TRAPPC9: variants seen among roughly 807,000 people sequenced by gnomAD.
TRAPPC9 encodes the protein trafficking protein particle complex subunit 9.
In TRAPPC9, 83 loss-of-function variants were observed where a neutral mutation model predicts 124.0. The observed-to-expected ratio is 0.67, with a 90% CI of 0.56 to 0.80. The LOEUF is 0.80. TRAPPC9 is among the 30% of genes least tolerant of loss of function. The pLI, the probability that TRAPPC9 is intolerant of heterozygous loss-of-function variation, is 0.00. For missense variants in TRAPPC9, 1,302 were observed against 1,508.3 expected, an observed-to-expected ratio of 0.86 and a Z score of 2.27; for synonymous variants, 638 against 617.5, an observed-to-expected ratio of 1.03 and a Z score of -0.49.
chr8:139,820,526 C>A (rs1825183132), intron 21 of TRAPPC9, among the ~76,000 whole-genome samples: 1 of 152,202 alleles, frequency 6.6e-6, no homozygotes, highest in Non-Finnish European at 1.5e-5. Flanking sequence ...TCCACATATA[C>A]ACATTTTTAT....
intron 17 of TRAPPC9, among the ~76,000 whole-genome samples, chr8:140,092,809 T>G (rs1844661897): frequency 1.3e-5 from 2 of 152,234 alleles, no homozygotes; most frequent in Non-Finnish European, 2.9e-5. Context: ...GTATTTGTTT[T>G]AAACATACAG....
intron 17 of TRAPPC9, among the ~76,000 whole-genome samples, chr8:140,118,948 C>T (rs931130310): frequency 3.3e-5 from 5 of 152,184 alleles, no homozygotes; most frequent in Non-Finnish European, 5.9e-5. Flanking sequence ...TAGGACAGTC[C>T]CTCTTTGGCT....
chr8:139,753,459 A>T (rs1819500793), intron 21 of TRAPPC9, among the ~76,000 whole-genome samples: 1 of 151,900 alleles, frequency 6.6e-6, no homozygotes, highest in Non-Finnish European at 1.5e-5. Flanking sequence ...TTCACTTCCC[A>T]TCAGATTTCC....
At chr8:140,293,060 C>G (rs111424062) in intron 11 of TRAPPC9, among the ~76,000 whole-genome samples, 3,412 of 131,950 alleles carry the variant, frequency 0.026, 105 homozygotes, top group African/African-American at 0.047. Flanking sequence ...GCAAAGGAAT[C>G]AACAGACACT....
intron 21 of TRAPPC9, among the ~76,000 whole-genome samples, chr8:139,863,254 TC>T (rs1828291563): frequency 6.6e-6 from 1 of 152,100 alleles, no homozygotes; most frequent in Non-Finnish European, 1.5e-5. Flanking sequence ...GGTCCCTGTC[TC>T]CCCAGGACTC....
chr8:139,910,252 G>A lies in TRAPPC9; in HGVS notation c.2859C>T (p.Ser953=). ...TTGCAAATTGCCCCTTCTCCCCAGGGGACTCCGGGAAACTCTCAAAGTTGA... is the reference window on the plus strand; with the variant it reads ...TTGCAAATTGCCCCTTCTCCCCAGGAGACTCCGGGAAACTCTCAAAGTTGA... The part of the protein sequence containing the change: ...DKFNFESFPE[S]PGEKGQFANP... Residue 953 remains serine (S), a synonymous_variant, in exon 20 of 23, where the codon TCC becomes TCT. Transcript: ENST00000438773. 4 of 1,614,154 alleles carry A rather than the reference G, an allele frequency of 2.5e-6. No homozygotes were observed. The highest frequency in any genetic ancestry group is 3.4e-6 in the Non-Finnish European group (4 of 1,180,028).
intron 17 of TRAPPC9, among the ~76,000 whole-genome samples, chr8:140,201,791 G>C (rs1587913010): frequency 6.6e-6 from 1 of 152,154 alleles, no homozygotes; most frequent in African/African-American, 2.4e-5. Flanking sequence ...ATGGGAAAAG[G>C]GGAGCAGCCA....
chr8:140,448,206 C>T (rs1211238804), intron 2 of TRAPPC9, among the ~76,000 whole-genome samples: 2 of 151,560 alleles, frequency 1.3e-5, no homozygotes, highest in Non-Finnish European at 2.9e-5. Flanking sequence ...CAACAGGTTA[C>T]CCATTATGAG....
At chr8:139,748,783 G>A (rs557905522) in intron 21 of TRAPPC9, among the ~76,000 whole-genome samples, 7 of 152,194 alleles carry the variant, frequency 4.6e-5, no homozygotes, top group South Asian at 2.1e-4. Context: ...ACCTAGAAGG[G>A]CATTTACCTT....
intron 21 of TRAPPC9, among the ~76,000 whole-genome samples, chr8:139,830,340 A>G (rs576956243): frequency 2.8e-4 from 42 of 152,082 alleles, no homozygotes; most frequent in Middle Eastern, 3.4e-3. Context: ...AAGTGAATAT[A>G]CACACGCAAT....
At chr8:140,074,120 A>C (rs972862472) in intron 17 of TRAPPC9, among the ~76,000 whole-genome samples, 1 of 152,180 alleles carries the variant, frequency 6.6e-6, no homozygotes, top group Non-Finnish European at 1.5e-5. Context: ...AAAATTCCAA[A>C]GGCATCGTGG....
chr8:139,862,832 G>A (rs908475404), intron 21 of TRAPPC9, among the ~76,000 whole-genome samples: 6 of 152,218 alleles, frequency 3.9e-5, no homozygotes, highest in African/African-American at 1.4e-4. Flanking sequence ...CCAGGGCACT[G>A]CATTCCCCCT....
At position 140,434,234 on chromosome 8, in the gene TRAPPC9, C is replaced by G. The variant is rs114477631; in HGVS notation, c.859+878G>C. Among the ~76,000 whole-genome samples the G allele has an allele frequency of 9.1e-3, 1,379 of 152,294 alleles. 28 individuals are homozygous for G. The highest frequency in any genetic ancestry group is 0.032 in the African/African-American group (1,324 of 41,554). ...TACTTTCGTTTTCAATAAATCCCTG[C>G]TTTCATTATTTTGTTGCTTCCTTCT... On this transcript the variant is annotated intron_variant, in intron 4 of 22. Coordinates refer to ENST00000438773, the MANE Select transcript of TRAPPC9 (RefSeq NM_001160372.4).
chr8:140,079,978 G>T lies in TRAPPC9; in HGVS notation c.2557-55899C>A, dbSNP rs546054620. Among the ~76,000 whole-genome samples, 14 of 152,184 alleles carry T rather than the reference G, an allele frequency of 9.2e-5. No individual in the cohort carries two copies. In the South Asian group the frequency reaches 2.9e-3, roughly 32 times the overall value. On this transcript the variant is annotated intron_variant, in intron 17 of 22. Coordinates refer to ENST00000438773, the MANE Select transcript of TRAPPC9 (RefSeq NM_001160372.4). ...AATAAAAATGAAGAAGAAGGAGGAG[G>T]AGGAGGAGGGGAAGAAGAAGGCGAT...
At chr8:140,183,019 T>A (rs1441331499) in intron 17 of TRAPPC9, among the ~76,000 whole-genome samples, 1 of 150,292 alleles carries the variant, frequency 6.7e-6, no homozygotes, top group African/African-American at 2.5e-5. Flanking sequence ...AAACTCTGCA[T>A]TATTGGGGAA....
At chr8:139,987,914 A>AG (rs1251062390) in intron 19 of TRAPPC9, among the ~76,000 whole-genome samples, 9 of 152,150 alleles carry the variant, frequency 5.9e-5, no homozygotes, top group African/African-American at 2.2e-4. Context: ...CTGCCGGGCC[A>AG]GGGGTCTCCT....
At chr8:139,862,804 G>A (rs561266720) in intron 21 of TRAPPC9, among the ~76,000 whole-genome samples, 1 of 152,330 alleles carries the variant, frequency 6.6e-6, no homozygotes, top group South Asian at 2.1e-4. Context: ...ACAGCGCCCT[G>A]GTCCGGCCCC....
Position 139,964,178 on chromosome 8 carries a change from C to T in TRAPPC9, c.2810+24548G>A, listed in dbSNP as rs371861839. ...GGTGGAGCTTGCAGTGAGCAGAGAT[C>T]GCGCCACCTGTACTCCAGCCTGGGC... On this transcript the variant is annotated intron_variant, in intron 19 of 22. Transcript: ENST00000438773. Among the ~76,000 whole-genome samples the T allele has an allele frequency of 7.5e-5, 11 of 146,774 alleles. No individual in the cohort carries two copies. The East Asian group carries it at 1.4e-3, about 19-fold the overall frequency.
intron 17 of TRAPPC9, among the ~76,000 whole-genome samples, chr8:140,138,703 G>A (rs983576520): frequency 6.6e-6 from 1 of 152,214 alleles, no homozygotes; most frequent in Admixed American, 6.5e-5. Context: ...GTATAAACCA[G>A]CAGAGATACA....
Sources: gnomAD v4.1 joint callset for allele counts (sites outside exome capture counted in the v4.1 genomes callset) on GRCh38, gnomAD v4.1.1 for gene constraint, MANE v1.5 for transcripts, NCBI Gene and HGNC (gene_info 2026-07-23, HGNC 2026-07-21) for gene names.